Variants in COL1A2 observed in about 807,000 individuals in gnomAD.
The protein encoded by COL1A2 is collagen type I alpha 2 chain, also known as collagen alpha-2(I) chain.
In COL1A2, 49 loss-of-function variants were observed where a neutral mutation model predicts 174.3. The observed-to-expected ratio is 0.28, with a 90% CI of 0.22 to 0.36. The LOEUF is 0.36. COL1A2 is among the 10% of genes least tolerant of loss of function. The pLI is 1.00. For missense variants in COL1A2, 1,438 were observed against 1,822.7 expected, an observed-to-expected ratio of 0.79 and a Z score of 3.84; for synonymous variants, 655 against 606.6, an observed-to-expected ratio of 1.08 and a Z score of -1.17.
rs1284504721 is a variant in COL1A2, at chr7:94,422,942, TA to T, written c.2404-14del. On this transcript the variant is annotated splice_polypyrimidine_tract_variant and intron_variant, in intron 39 of 51. Coordinates refer to ENST00000297268, the MANE Select transcript of COL1A2 (RefSeq NM_000089.4). ...GATTAACAGAAAGGAAATGACCTTG[TA>T]CATTTGCTCATAGGGTATTTCTGGC... is the stretch of plus-strand genomic sequence containing the variant. The T allele has an allele frequency of 1.9e-6, 3 of 1,614,144 alleles. No individual in the cohort carries two copies. Among genetic ancestry groups the T allele is most frequent in the Non-Finnish European group, 8.5e-7 (1 of 1,179,990 alleles).
At chr7:94,405,545 T>C in intron 10 of COL1A2, 128 bp from the exon 11 acceptor site, 1 of 889,356 alleles carries the variant, frequency 1.1e-6, no homozygotes, top group Non-Finnish European at 1.9e-6. Context: ...CACTCTGTGC[T>C]TAGAGGTATA....
At chr7:94,420,129 G>A in intron 34 of COL1A2, 104 bp from the exon 35 acceptor site, 1 of 1,458,758 alleles carries the variant, frequency 6.9e-7, no homozygotes, top group Non-Finnish European at 9.6e-7. Flanking sequence ...TCTCTTCCAA[G>A]GCAACTACAG....
At position 94,408,478 on chromosome 7, in the gene COL1A2, C is replaced by A. The variant is rs2293740; in HGVS notation, c.738+98C>A. 0.098 allele frequency: 135,647 copies of A among 1,386,770 alleles called. 7,349 individuals are homozygous for A. The highest frequency in any genetic ancestry group is 0.14 in the Middle Eastern group (696 of 5,128). The allele number at this position is 1,386,770 out of a possible 1,614,324, so 85.9% of individuals were successfully genotyped here. On this transcript the variant is annotated intron_variant, in intron 15 of 51. Transcript: ENST00000297268. ...TTACGAAATAGCATCATTTCAGACACTTTACCAAATGTTCTGTGAGGTCTT... is the reference window on the plus strand; with the variant it reads ...TTACGAAATAGCATCATTTCAGACAATTTACCAAATGTTCTGTGAGGTCTT...
At chr7:94,424,559 C>A in intron 41 of COL1A2, 116 bp downstream of exon 41, 2 of 923,408 alleles carry the variant, frequency 2.2e-6, no homozygotes, top group Non-Finnish European at 3.5e-6. Flanking sequence ...TTATTCATGG[C>A]ATTTTCTTTA....
Position 94,430,659 on chromosome 7 carries a change from G to A in COL1A2, c.*266G>A, listed in dbSNP as rs1792383427. 1 of 411,836 alleles carries A rather than the reference G, an allele frequency of 2.4e-6. No homozygotes were observed. The highest frequency in any genetic ancestry group is 4.3e-6 in the Non-Finnish European group (1 of 231,242). 25.5% of individuals were successfully genotyped at this position (411,836 alleles called of 1,614,324 possible). A position where few individuals can be genotyped will look rare whatever the true frequency, so the allele number is the denominator to read the frequency against. Reference sequence around the variant, plus strand: ...TTATGGAAAATGTCAACCTTTGTAAGAAAACCAAAATAAAAATTGAAAAAT... The same window carrying A: ...TTATGGAAAATGTCAACCTTTGTAAAAAAACCAAAATAAAAATTGAAAAAT... On this transcript the variant is annotated 3_prime_UTR_variant, in exon 52 of 52. Coordinates refer to ENST00000297268, the MANE Select transcript of COL1A2 (RefSeq NM_000089.4).
chr7:94,397,698 TG>T, intron 1 of COL1A2, 49 bp from the exon 2 acceptor site: 1 of 1,046,154 alleles, frequency 9.6e-7, no homozygotes, highest in Non-Finnish European at 1.5e-6. Flanking sequence ...TATTGATCCA[TG>T]AAGTGATACT....
chr7:94,427,011 C>T lies in COL1A2; in HGVS notation c.3109C>T (p.His1037Tyr). The T allele has an allele frequency of 6.2e-7, 1 of 1,613,776 alleles. No homozygotes were observed. The highest frequency in any genetic ancestry group is 2.2e-5 in the East Asian group (1 of 44,864). The change falls in exon 47 of 52, where the codon CAC (histidine) becomes TAC (tyrosine). Residue 1037 changes from histidine (H) to tyrosine (Y), a missense_variant. By Grantham distance (83) the His-to-Tyr change is moderately conservative (BLOSUM62 2). Around this residue, in one of 3 missense-constraint regions of COL1A2, gnomAD observed 867 missense variants for 1,213.7 expected, o/e 0.71. Coordinates refer to ENST00000297268, the MANE Select transcript of COL1A2 (RefSeq NM_000089.4). ...TTTTCCTCTTCTGTCTTTAAAGGGT[C>T]ACCATGGTGATCAAGGTGCTCCTGG... ...GLQGLPGIAG[H>Y]HGDQGAPGSV...
intron 19 of COL1A2, 25 bp downstream of exon 19, chr7:94,409,846 C>T (rs377008964): frequency 1.9e-6 from 3 of 1,604,062 alleles, no homozygotes; most frequent in African/African-American, 2.7e-5. Flanking sequence ...CTGTGGTTCT[C>T]ATCATCCTGA....
Position 94,424,454 on chromosome 7 carries a change from G to T in COL1A2, c.2673+11G>T. 6.2e-7 allele frequency: 1 copy of T among 1,610,678 alleles called. No homozygotes were observed. The highest frequency in any genetic ancestry group is 1.1e-5 in the South Asian group (1 of 91,006). On this transcript the variant is annotated intron_variant, in intron 41 of 51. Transcript: ENST00000297268. ...GTTGCTGGTGCTGTGGTGAGTGCTT[G>T]ACAGTATTCTGACTCCATTAACATA...
Position 94,424,388 on chromosome 7 carries a change from T to G in COL1A2, c.2618T>G (p.Leu873Arg). The change falls in exon 41 of 52, where the codon CTG becomes CGG. Residue 873 changes from leucine (L) to arginine (R), a missense_variant. This residue lies in a region of COL1A2 where 867 missense variants were observed against 1,213.7 expected (regional missense o/e 0.71). Transcript: ENST00000297268. Reference sequence around the variant, plus strand: ...GGTCTTCTTGGTGCTCCTGGTATTCTGGGTCTCCCTGGCTCGAGAGGTGAA... The same window carrying G: ...GGTCTTCTTGGTGCTCCTGGTATTCGGGGTCTCCCTGGCTCGAGAGGTGAA... Reference protein sequence around the residue: ...PQGLLGAPGILGLPGSRGERG... With the variant: ...PQGLLGAPGIRGLPGSRGERG... The G allele has an allele frequency of 2.5e-6, 4 of 1,614,112 alleles. No homozygotes were observed. The highest frequency in any genetic ancestry group is 3.4e-6 in the Non-Finnish European group (4 of 1,179,986).
At chr7:94,425,380 C>A in intron 42 of COL1A2, 156 bp downstream of exon 42, 2 of 852,430 alleles carry the variant, frequency 2.3e-6, no homozygotes. Context: ...ATGAAAATTG[C>A]TTAGGCCAAA....
chr7:94,402,523 G>A (rs1461241985), intron 6 of COL1A2, among the ~76,000 whole-genome samples: 2 of 151,984 alleles, frequency 1.3e-5, no homozygotes, highest in Non-Finnish European at 2.9e-5. Flanking sequence ...TGATGATGAT[G>A]ATGATGATGA....
intron 28 of COL1A2, 121 bp downstream of exon 28, chr7:94,414,068 G>A (rs1333052659): frequency 7.5e-7 from 1 of 1,330,636 alleles, no homozygotes; most frequent in Non-Finnish European, 1.1e-6. Flanking sequence ...GCAAAGAAAG[G>A]TGCATTTTTT....
At chr7:94,402,724 A>G (rs1490739648) in intron 6 of COL1A2, among the ~76,000 whole-genome samples, 1 of 152,156 alleles carries the variant, frequency 6.6e-6, no homozygotes, top group Non-Finnish European at 1.5e-5. Flanking sequence ...GATTTTAATT[A>G]ATTGTTTCAA....
chr7:94,401,134 C>G (rs1424355853), intron 5 of COL1A2, among the ~76,000 whole-genome samples: 1 of 152,292 alleles, frequency 6.6e-6, no homozygotes, highest in East Asian at 1.9e-4. Context: ...AGAAAAAGAT[C>G]TCTTAGTCAT....
chr7:94,425,883 A>G (rs2115952759), intron 44 of COL1A2, 26 bp downstream of exon 44: 1 of 1,606,934 alleles, frequency 6.2e-7, no homozygotes, highest in Middle Eastern at 1.7e-4. Flanking sequence ...CCAGTCCCTC[A>G]GTGCAGCATT....
At chr7:94,417,881 G>T (rs1270492342) in intron 32 of COL1A2, 50 bp downstream of exon 32, 1 of 1,462,514 alleles carries the variant, frequency 6.8e-7, no homozygotes, top group Non-Finnish European at 9.4e-7. Context: ...AGTAAAGAAG[G>T]CTGCACAAGG....
chr7:94,421,767 A>T, intron 38 of COL1A2, 132 bp from the exon 39 acceptor site: 3 of 663,084 alleles, frequency 4.5e-6, no homozygotes, highest in Non-Finnish European at 8.1e-6. Context: ...CCCTATATGA[A>T]GCTGCCTACC....
Position 94,426,476 on chromosome 7 carries a change from A to C in COL1A2, c.3051A>C (p.Arg1017Ser). 6.2e-7 allele frequency: 1 copy of C among 1,607,728 alleles called. No individual in the cohort carries two copies. The highest frequency in any genetic ancestry group is 2.2e-5 in the East Asian group (1 of 44,708). Residue 1017 changes from arginine (R) to serine (S), a missense_variant, in exon 46 of 52, where the codon AGA becomes AGC. By Grantham distance (110) the Arg-to-Ser change is moderately radical. Transcript: ENST00000297268. Reference sequence around the variant, plus strand: ...GAGAGCCCGGTGAAAAGGGGCCCAGAGGTCTTCCTGGCTTAAAGGGACACA... The same window carrying C: ...GAGAGCCCGGTGAAAAGGGGCCCAGCGGTCTTCCTGGCTTAAAGGGACACA... Reference protein sequence around the residue: ...DKGEPGEKGPRGLPGLKGHNG... With the variant: ...DKGEPGEKGPSGLPGLKGHNG...
Sources: gnomAD v4.1 joint callset for allele counts (sites outside exome capture counted in the v4.1 genomes callset) on GRCh38, gnomAD v4.1.1 for gene constraint, gnomAD v4.1.1 regional missense constraint, MANE v1.5 for transcripts, NCBI Gene and HGNC (gene_info 2026-07-23, HGNC 2026-07-21) for gene names.